Variants in GDA observed in about 807,000 individuals in gnomAD.
GDA encodes guanine deaminase.
GDA carries 18 observed loss-of-function variants against 59.6 expected under a neutral mutation model. The observed-to-expected ratio is 0.30, with a 90% CI of 0.21 to 0.45. The LOEUF (loss-of-function observed/expected upper bound fraction) is 0.45. Among genes scored for constraint, GDA ranks in the 20% least tolerant of loss-of-function variants. The probability of loss-of-function intolerance (pLI) is 1.00; values close to 1 mark genes in which losing one functional copy is unlikely to be tolerated. For synonymous variants in GDA, 201 were observed against 201.1 expected, an observed-to-expected ratio of 1.00 and a Z score of 0.00; for missense variants, 427 against 552.3, an observed-to-expected ratio of 0.77 and a Z score of 2.27.
intron 1 of GDA, among the ~76,000 whole-genome samples, chr9:72,115,503 G>A (rs1302022779): frequency 2.0e-5 from 3 of 152,204 alleles, no homozygotes; most frequent in Non-Finnish European, 4.4e-5. Context: ...GGCTAGGTGT[G>A]AAGGAGATCA....
chr9:72,161,063 AT>A (rs35376951), intron 1 of GDA, among the ~76,000 whole-genome samples: 12,620 of 141,390 alleles, frequency 0.089, 582 homozygotes, highest in South Asian at 0.13. Flanking sequence ...TTTGCCACTA[AT>A]TTTTTTTTTT....
At chr9:72,168,212 C>T (rs1471287019) in intron 1 of GDA, among the ~76,000 whole-genome samples, 1 of 151,960 alleles carries the variant, frequency 6.6e-6, no homozygotes, top group East Asian at 1.9e-4. Flanking sequence ...GCCTGGGCAA[C>T]ACAGGGAGAT....
chr9:72,192,593 C>T (rs1832691320), intron 1 of GDA, among the ~76,000 whole-genome samples: 1 of 150,084 alleles, frequency 6.7e-6, no homozygotes, highest in African/African-American at 2.4e-5. Context: ...ACTATTAAAA[C>T]ACTCTGGGCC....
upstream of GDA, among the ~76,000 whole-genome samples, chr9:72,148,791 C>T (rs2130685299): frequency 6.6e-6 from 1 of 152,278 alleles, no homozygotes; most frequent in East Asian, 1.9e-4. Context: ...CCCATGGTAC[C>T]ATTGCTGCCT....
Position 72,250,629 on chromosome 9 carries a change from T to A in GDA, c.*2287T>A. ...GCATTATCTATACCTGGGGCCAGATTTTCTGCACTTTGAAATGTTGCCTTT... is the reference window on the plus strand; with the variant it reads ...GCATTATCTATACCTGGGGCCAGATATTCTGCACTTTGAAATGTTGCCTTT... On this transcript the variant is annotated 3_prime_UTR_variant, in exon 14 of 14. Transcript: ENST00000358399. 1 of 1,590,466 alleles carries A rather than the reference T, an allele frequency of 6.3e-7. No individual in the cohort carries two copies. Among genetic ancestry groups the A allele is most frequent in the African/African-American group, 1.3e-5 (1 of 74,242 alleles).
At position 72,245,294 on chromosome 9, in the gene GDA, T is replaced by G. The variant is rs1427800940; in HGVS notation, c.1266+16T>G. Reference sequence around the variant, plus strand: ...TATTTCTGAGGTAAGTAAAAGAAAGTTAATCAAAAGGCATTTATTTCATAA... The same window carrying G: ...TATTTCTGAGGTAAGTAAAAGAAAGGTAATCAAAAGGCATTTATTTCATAA... On this transcript the variant is annotated intron_variant, in intron 12 of 13. Coordinates refer to ENST00000358399, the MANE Select transcript of GDA (RefSeq NM_004293.5). 6.3e-7 allele frequency: 1 copy of G among 1,592,820 alleles called. No individual in the cohort carries two copies. Among genetic ancestry groups the G allele is most frequent in the Admixed American group, 1.7e-5 (1 of 59,724 alleles).
At position 72,195,596 on chromosome 9, in the gene GDA, G is replaced by T. The variant is rs2131270767; in HGVS notation, c.212+8G>T. On this transcript the variant is annotated splice_region_variant and intron_variant, in intron 2 of 13. Coordinates refer to ENST00000358399, the MANE Select transcript of GDA (RefSeq NM_004293.5). Reference sequence around the variant, plus strand: ...AAGAGAACTGAGCCACCAGTAAGTTGTTACTTCTTCCCTTTTACTGGGTGC... The same window carrying T: ...AAGAGAACTGAGCCACCAGTAAGTTTTTACTTCTTCCCTTTTACTGGGTGC... The T allele has an allele frequency of 7.1e-7, 1 of 1,412,722 alleles. No homozygotes were observed. Among genetic ancestry groups the T allele is most frequent in the Non-Finnish European group, 9.8e-7 (1 of 1,018,524 alleles). The allele number at this position is 1,412,722 out of a possible 1,614,324, so 87.5% of individuals were successfully genotyped here. A position where few individuals can be genotyped will look rare whatever the true frequency, so the allele number is the denominator to read the frequency against.
intron 9 of GDA, chr9:72,228,916 T>C (rs1291261068): frequency 6.6e-6 from 1 of 151,678 alleles, no homozygotes; most frequent in East Asian, 2.0e-4. Context: ...TAGCCTGTAA[T>C]TTCAGGGGAA....
At chr9:72,184,688 T>G (rs1043956998) in intron 1 of GDA, among the ~76,000 whole-genome samples, 4 of 152,192 alleles carry the variant, frequency 2.6e-5, no homozygotes, top group African/African-American at 9.6e-5. Context: ...ATGATACTTG[T>G]AAGCCACCAG....
At chr9:72,136,614 G>A (rs1826232836) in intron 1 of GDA, among the ~76,000 whole-genome samples, 1 of 152,172 alleles carries the variant, frequency 6.6e-6, no homozygotes, top group Non-Finnish European at 1.5e-5. Context: ...GTTTATTCTT[G>A]TTTGCCCCAG....
chr9:72,127,648 AAAAAG>A (rs1825892729), intron 1 of GDA, among the ~76,000 whole-genome samples: 1 of 151,940 alleles, frequency 6.6e-6, no homozygotes, highest in Non-Finnish European at 1.5e-5. Context: ...AAAAAAAAAA[AAAAAG>A]AAAGAAAATC....
At chr9:72,223,640 A>G (rs1164167493) in intron 7 of GDA, among the ~76,000 whole-genome samples, 1 of 152,236 alleles carries the variant, frequency 6.6e-6, no homozygotes, top group East Asian at 1.9e-4. Flanking sequence ...TTATTTGAAA[A>G]GCAAAAAGAG....
chr9:72,202,391 G>A (rs1332862454), intron 2 of GDA, among the ~76,000 whole-genome samples, 180 bp from the exon 3 acceptor site: 1 of 152,140 alleles, frequency 6.6e-6, no homozygotes. Context: ...TCTCCTAGCA[G>A]AGCTTCATTT....
At chr9:72,257,550 C>T (rs1029704138), downstream of GDA, 1 of 152,348 alleles carries the variant, frequency 6.6e-6, no homozygotes, top group Non-Finnish European at 1.5e-5. Flanking sequence ...TCCTCCACTT[C>T]CACTGGGCAC....
At chr9:72,189,966 T>C (rs1213911212) in intron 1 of GDA, among the ~76,000 whole-genome samples, 3 of 152,218 alleles carry the variant, frequency 2.0e-5, no homozygotes, top group African/African-American at 7.2e-5. Context: ...TAATATTTAA[T>C]TGCCATTGTA....
rs776253081 is a variant in GDA at position 72,149,568 on chromosome 9, C to A, written c.9C>A (p.Ala3=). MC[A]AQMPPLAHIF... ...TGCGCTCCGCCGCTGACATGTGTGC[C>A]GCTCAGATGCCGCCCCTGGCGCACA... Residue 3 remains alanine, a synonymous_variant, in exon 1 of 14, where the codon GCC becomes GCA. Transcript: ENST00000358399. 4 of 1,611,274 alleles carry A rather than the reference C, an allele frequency of 2.5e-6. No homozygotes were observed. The highest frequency in any genetic ancestry group is 1.1e-5 in the South Asian group (1 of 91,008).
At chr9:72,145,203 G>T (rs7850131), upstream of GDA, among the ~76,000 whole-genome samples, 843 of 152,270 alleles carry the variant, frequency 5.5e-3, 12 homozygotes, top group African/African-American at 0.019. Flanking sequence ...CTGCAGGCTA[G>T]ATCTGAGTGT....
chr9:72,123,165 T>C (rs998530540), intron 1 of GDA, among the ~76,000 whole-genome samples: 2 of 147,906 alleles, frequency 1.4e-5, no homozygotes, highest in African/African-American at 2.5e-5. Flanking sequence ...CTCAGAGCTG[T>C]TTGTTTTCTT....
downstream of GDA, chr9:72,256,872 T>A (rs1161519143): frequency 6.6e-6 from 1 of 152,206 alleles, no homozygotes; most frequent in Non-Finnish European, 1.5e-5. Flanking sequence ...GGACCAGGTA[T>A]AATCAGGTGT....
Sources: allele counts gnomAD v4.1 joint callset (sites outside exome capture counted in the v4.1 genomes callset), GRCh38; gene constraint gnomAD v4.1.1; transcripts MANE v1.5; gene names NCBI Gene and HGNC (gene_info 2026-07-23, HGNC 2026-07-21).